The following CTIF variants were observed in gnomAD, a reference collection of about 807,000 sequenced individuals.
CTIF encodes the protein cap binding complex dependent translation initiation factor.
CTIF carries 21 observed loss-of-function variants against 66.0 expected under a neutral mutation model. That is an observed-to-expected ratio of 0.32 (90% confidence interval 0.23 to 0.46). The LOEUF (loss-of-function observed/expected upper bound fraction) is 0.46, where lower values mean the gene tolerates loss of function less well. Among genes scored for constraint, CTIF ranks in the 20% least tolerant of loss-of-function variants. CTIF has a pLI of 1.00. For synonymous variants in CTIF, 345 were observed against 326.4 expected, an observed-to-expected ratio of 1.06 and a Z score of -0.62; for missense variants, 739 against 812.7, an observed-to-expected ratio of 0.91 and a Z score of 1.10.
At chr18:48,735,236 C>T (rs1414453011) in intron 7 of CTIF, among the ~76,000 whole-genome samples, 1 of 152,062 alleles carries the variant, frequency 6.6e-6, no homozygotes, top group East Asian at 1.9e-4. Context: ...TGCAATGGGG[C>T]CAGCAGAGGG....
At chr18:48,569,213 T>A (rs2089354457) in intron 1 of CTIF, among the ~76,000 whole-genome samples, 1 of 152,158 alleles carries the variant, frequency 6.6e-6, no homozygotes, top group Non-Finnish European at 1.5e-5. Context: ...AACTTACGAA[T>A]TTGGTGAGTT....
chr18:48,590,530 C>T (rs1568054700), intron 1 of CTIF, among the ~76,000 whole-genome samples: 1 of 152,314 alleles, frequency 6.6e-6, no homozygotes, highest in Non-Finnish European at 1.5e-5. Context: ...TGGCCCAGGG[C>T]GGTGACTTGC....
At chr18:48,655,693 G>A (rs1216074519) in intron 3 of CTIF, among the ~76,000 whole-genome samples, 1 of 152,190 alleles carries the variant, frequency 6.6e-6, no homozygotes, top group African/African-American at 2.4e-5. Flanking sequence ...CCGGGGCTGA[G>A]GGCTGGCCAC....
intron 6 of CTIF, among the ~76,000 whole-genome samples, chr18:48,689,683 G>A (rs189929998): frequency 1.8e-4 from 27 of 152,322 alleles, no homozygotes; most frequent in African/African-American, 4.8e-4. Context: ...CCAGGCCAGC[G>A]CAGATGAGCT....
rs565893376 is a variant in CTIF at position 48,839,724 on chromosome 18, A to G, written c.1528-17864A>G. ...TCTTCCCTCCTAGACTCATAAATCT[A>G]TAAGGCCAGGATCTGTGCCTCCTTG... On this transcript the variant is annotated intron_variant, in intron 10 of 11. Coordinates refer to ENST00000256413, the MANE Select transcript of CTIF (RefSeq NM_014772.3). Among the ~76,000 whole-genome samples, 21 of 152,304 alleles carry G rather than the reference A, an allele frequency of 1.4e-4. No homozygotes were observed. The South Asian group carries it at 3.7e-3, about 27-fold the overall frequency.
intron 2 of CTIF, chr18:48,621,563 C>G (rs1357455835): frequency 2.1e-5 from 8 of 389,902 alleles, no homozygotes; most frequent in Non-Finnish European, 4.0e-5. Flanking sequence ...CAGGAGGGAA[C>G]CAGGCTGCTC....
At chr18:48,610,565 C>T (rs2090289858) in intron 1 of CTIF, among the ~76,000 whole-genome samples, 2 of 152,192 alleles carry the variant, frequency 1.3e-5, no homozygotes, top group Admixed American at 6.5e-5. Context: ...AGGCCTGTAC[C>T]TTCCACACTC....
Position 48,861,862 on chromosome 18 carries a change from A to C in CTIF, c.*2303A>C, listed in dbSNP as rs939343740. On this transcript the variant is annotated 3_prime_UTR_variant, in exon 12 of 12. Transcript: ENST00000256413. ...AGTGTGAAGAAGAAGTGAAATATAAATATGTATACATATATAAATATATTT... is the reference window on the plus strand; with the variant it reads ...AGTGTGAAGAAGAAGTGAAATATAACTATGTATACATATATAAATATATTT... The C allele has an allele frequency of 6.6e-6, 1 of 152,146 alleles. No homozygotes were observed. Among genetic ancestry groups the C allele is most frequent in the Non-Finnish European group, 1.5e-5 (1 of 68,042 alleles). 9.4% of individuals were successfully genotyped at this position (152,146 alleles called of 1,614,324 possible).
intron 10 of CTIF, among the ~76,000 whole-genome samples, chr18:48,855,631 C>T (rs1384141122): frequency 1.3e-5 from 2 of 152,196 alleles, no homozygotes; most frequent in Non-Finnish European, 2.9e-5. Flanking sequence ...ATCACTCTGG[C>T]CAGTTGTGTA....
Position 48,553,231 on chromosome 18 carries a change from G to A in CTIF, c.-29+13919G>A, listed in dbSNP as rs1022170117. On this transcript the variant is annotated intron_variant, in intron 1 of 11. Coordinates refer to ENST00000256413, the MANE Select transcript of CTIF (RefSeq NM_014772.3). ...GGCTTTGAGTGACGTCCACAAAAGCGTGTGGGGAGAGGGTTGCTGGTGAAG... is the reference window on the plus strand; with the variant it reads ...GGCTTTGAGTGACGTCCACAAAAGCATGTGGGGAGAGGGTTGCTGGTGAAG... Among the ~76,000 whole-genome samples, 18 of 152,204 alleles carry A rather than the reference G, an allele frequency of 1.2e-4. 1 individual carries two copies. The highest frequency in any genetic ancestry group is 7.9e-4 in the Admixed American group (12 of 15,280).
chr18:48,838,975 C>G (rs1364171659), intron 10 of CTIF, among the ~76,000 whole-genome samples: 2 of 152,202 alleles, frequency 1.3e-5, no homozygotes, highest in East Asian at 3.9e-4. Context: ...CAAGCCTGCA[C>G]CTCCTCCCGG....
chr18:48,586,520 C>T (rs1341796957), intron 1 of CTIF, among the ~76,000 whole-genome samples: 1 of 152,214 alleles, frequency 6.6e-6, no homozygotes, highest in East Asian at 1.9e-4. Flanking sequence ...ATCTGCCCAC[C>T]TCGGCCTCCC....
intron 10 of CTIF, among the ~76,000 whole-genome samples, chr18:48,825,634 C>T (rs1156873151): frequency 1.3e-5 from 2 of 152,152 alleles, no homozygotes; most frequent in Admixed American, 1.3e-4. Flanking sequence ...GACCATTCCT[C>T]CTTTCCCAAG....
intron 6 of CTIF, among the ~76,000 whole-genome samples, chr18:48,673,393 G>A (rs1291430151): frequency 6.6e-6 from 1 of 151,864 alleles, no homozygotes; most frequent in Admixed American, 6.6e-5. Context: ...GCATGAACCT[G>A]GTTATGCTCT....
chr18:48,615,048 A>G (rs1442965285), intron 1 of CTIF, among the ~76,000 whole-genome samples: 1 of 152,074 alleles, frequency 6.6e-6, no homozygotes, highest in African/African-American at 2.4e-5. Context: ...ATGTGCGACC[A>G]TGCTCAGCTA....
At chr18:48,662,226 G>A (rs1271000153) in intron 3 of CTIF, 3 of 152,516 alleles carry the variant, frequency 2.0e-5, no homozygotes, top group African/African-American at 7.2e-5. Flanking sequence ...CAGGAGCAAA[G>A]GGGATTACGG....
In CTIF at chr18:48,636,709, G is replaced by C. The variant is rs200508859; in HGVS notation, c.252+24G>C. 1.4e-3 allele frequency: 2,075 copies of C among 1,533,806 alleles called. 2 individuals are homozygous for C. Among genetic ancestry groups the C allele is most frequent in the Non-Finnish European group, 1.7e-3 (1,948 of 1,144,516 alleles). On this transcript the variant is annotated intron_variant, in intron 3 of 11. Coordinates refer to ENST00000256413, the MANE Select transcript of CTIF (RefSeq NM_014772.3). ...AGGTAGGGAACCAGCTCTGCGCTCT[G>C]TCTGGGGGTGTCCTATGTCTTGTCT...
chr18:48,541,137 C>G (rs9963187), intron 1 of CTIF, among the ~76,000 whole-genome samples: 6,020 of 152,286 alleles, frequency 0.04, 414 homozygotes, highest in African/African-American at 0.14. Context: ...GCTGCCTTCG[C>G]AGACCGGGGA....
intron 1 of CTIF, among the ~76,000 whole-genome samples, chr18:48,592,559 T>G (rs537877655): frequency 1.3e-5 from 2 of 151,524 alleles, no homozygotes; most frequent in Admixed American, 1.3e-4. Flanking sequence ...CGTTCCCATG[T>G]GGGCAAGGAG....
Sources: allele counts gnomAD v4.1 joint callset (sites outside exome capture counted in the v4.1 genomes callset), GRCh38; gene constraint gnomAD v4.1.1; transcripts MANE v1.5; gene names NCBI Gene and HGNC (gene_info 2026-07-23, HGNC 2026-07-21).